PDXDC1: variants seen among roughly 807,000 people sequenced by gnomAD.
The protein encoded by PDXDC1 is pyridoxal-dependent decarboxylase domain-containing protein 1.
Under a neutral mutation model 100.1 loss-of-function variants are expected in PDXDC1, and 42 were observed. The ratio of observed to expected loss-of-function variants is 0.42; its 90% CI spans 0.33 to 0.54. The LOEUF is 0.54. Among genes scored for constraint, PDXDC1 ranks in the 20% least tolerant of loss-of-function variants. The probability of loss-of-function intolerance (pLI) is 0.10; values close to 1 mark genes in which losing one functional copy is unlikely to be tolerated. For synonymous variants in PDXDC1, 260 were observed against 371.7 expected (o/e 0.70, Z 3.46); for missense variants, 636 against 979.2 (o/e 0.65, Z 4.68).
intron 16 of PDXDC1, among the ~76,000 whole-genome samples, chr16:15,095,862 GTGTGTGT>G (rs1250685977): frequency 2.8e-4 from 3 of 10,754 alleles, no homozygotes; most frequent in Non-Finnish European, 1.3e-3. Context: ...AAAAAAAAAG[GTGTGTGT>G]GTGTGTGTGT....
At chr16:15,092,523 G>A (rs2046175129) in intron 16 of PDXDC1, 1 of 1,611,216 alleles carries the variant, frequency 6.2e-7, no homozygotes, top group Non-Finnish European at 8.5e-7. Context: ...TTGTACTTCA[G>A]CAAGACTTCT....
chr16:15,134,210 TG>T, intron 16 of PDXDC1: 1 of 1,186,642 alleles, frequency 8.4e-7, no homozygotes, highest in Non-Finnish European at 1.2e-6. Context: ...ACCCCTCGCT[TG>T]GAGCCGCTGC....
intron 16 of PDXDC1, chr16:15,127,786 A>T (rs927715109): frequency 2.6e-6 from 4 of 1,556,144 alleles, no homozygotes; most frequent in Non-Finnish European, 3.5e-6. Context: ...GATGCGAGTG[A>T]AACAGCTACG....
intron 16 of PDXDC1, among the ~76,000 whole-genome samples, chr16:15,102,137 A>G (rs1339959358): frequency 2.6e-5 from 4 of 151,792 alleles, no homozygotes; most frequent in Admixed American, 6.6e-5. Context: ...TGAGCCACTG[A>G]GCCTGGCCTG....
chr16:15,021,655 C>G (rs1024617725), intron 12 of PDXDC1, among the ~76,000 whole-genome samples: 2 of 152,284 alleles, frequency 1.3e-5, no homozygotes, highest in African/African-American at 4.8e-5. Flanking sequence ...GAACCGTATA[C>G]TCCTGAGGAT....
intron 16 of PDXDC1, chr16:15,127,759 C>T: frequency 4.5e-6 from 7 of 1,549,076 alleles, no homozygotes; most frequent in Non-Finnish European, 6.1e-6. Context: ...GAGGAGAACG[C>T]AGCAGGTGGC....
chr16:15,070,360 T>C lies in PDXDC1; in HGVS notation c.1399+40304T>C, dbSNP rs536077739. 3.5e-4 allele frequency: 266 copies of C among 763,546 alleles called. 2 individuals are homozygous for C. In the African/African-American group the frequency reaches 4.3e-3, roughly 12 times the overall value. The allele number at this position is 763,546 out of a possible 1,614,324, so 47.3% of individuals were successfully genotyped here. On this transcript the variant is annotated intron_variant, in intron 16 of 16. Coordinates refer to the PDXDC1 transcript ENST00000535621. ...TTACAAACCATGCTAAGTAAGTTCATAGGTTTCTTTAAATAATACCCATGG... is the reference window on the plus strand; with the variant it reads ...TTACAAACCATGCTAAGTAAGTTCACAGGTTTCTTTAAATAATACCCATGG...
intron 16 of PDXDC1, chr16:15,091,365 T>C (rs2046123909): frequency 6.3e-7 from 1 of 1,589,412 alleles, no homozygotes; most frequent in Non-Finnish European, 8.6e-7. Context: ...AAGTCATTTG[T>C]TTCACCCTTA....
intron 13 of PDXDC1, chr16:15,025,693 A>C (rs1303523647): frequency 2.0e-5 from 3 of 152,390 alleles, no homozygotes; most frequent in Non-Finnish European, 4.4e-5. Flanking sequence ...TTGGAACATA[A>C]GTTTTATTAC....
chr16:15,099,700 C>G (rs559443897), intron 16 of PDXDC1, among the ~76,000 whole-genome samples: 54 of 152,220 alleles, frequency 3.5e-4, no homozygotes, highest in African/African-American at 1.2e-3. Flanking sequence ...ATGCTATCTG[C>G]AAAGTCACCA....
Position 15,038,155 on chromosome 16 carries a change from G to T in PDXDC1, c.*1880G>T. 6.2e-7 allele frequency: 1 copy of T among 1,613,094 alleles called. No homozygotes were observed. The highest frequency in any genetic ancestry group is 8.5e-7 in the Non-Finnish European group (1 of 1,179,232). ...GTGTTTTTTTAAAAACATCAAGGTA[G>T]ATCTAATATGTTCAACAAAGTGGGG... On this transcript the variant is annotated 3_prime_UTR_variant, in exon 23 of 23. Transcript: ENST00000396410.
downstream of PDXDC1, among the ~76,000 whole-genome samples, chr16:15,139,639 G>A (rs930636771): frequency 6.6e-6 from 1 of 151,642 alleles, no homozygotes; most frequent in Non-Finnish European, 1.5e-5. Flanking sequence ...GAATCAGCCA[G>A]GCATGGTGGT....
At chr16:15,149,817 G>A in the PDXDC1 span, among the ~76,000 whole-genome samples, 2 of 151,560 alleles carry the variant, frequency 1.3e-5, no homozygotes, top group African/African-American at 2.4e-5. Flanking sequence ...AGGGGGCCCT[G>A]AGCTGATGAC....
At chr16:15,059,777 G>C (rs1474722285) in intron 16 of PDXDC1, among the ~76,000 whole-genome samples, 1 of 152,120 alleles carries the variant, frequency 6.6e-6, no homozygotes, top group Non-Finnish European at 1.5e-5. Flanking sequence ...CTTTTTGAAA[G>C]AAGTGTCTGC....
At chr16:15,094,062 C>T (rs1567233020) in intron 16 of PDXDC1, 2 of 1,260,372 alleles carry the variant, frequency 1.6e-6, no homozygotes, top group East Asian at 2.5e-5. Flanking sequence ...TGAGCTTTGT[C>T]CCACATCCTT....
intron 16 of PDXDC1, chr16:15,125,328 G>T: frequency 1.4e-6 from 1 of 717,380 alleles, no homozygotes; most frequent in Non-Finnish European, 2.4e-6. Context: ...ACACCAGACT[G>T]CAGGTGGCGC....
intron 16 of PDXDC1, chr16:15,086,597 A>G: frequency 2.4e-6 from 3 of 1,232,402 alleles, no homozygotes; most frequent in Non-Finnish European, 3.4e-6. Context: ...ACTGGGTATT[A>G]AAACAGAAAA....
At chr16:15,039,058 ATTAT>A (rs142235290), downstream of PDXDC1, among the ~76,000 whole-genome samples, 36 of 152,294 alleles carry the variant, frequency 2.4e-4, no homozygotes, top group Non-Finnish European at 3.8e-4. Flanking sequence ...CCATTGCCTC[ATTAT>A]TTATACCCCA....
At chr16:15,043,593 G>A (rs62039480) in intron 16 of PDXDC1, among the ~76,000 whole-genome samples, 53,923 of 152,064 alleles carry the variant, frequency 0.35, 9,822 homozygotes, top group Admixed American at 0.47. Flanking sequence ...GAGTAAGCTT[G>A]CTTCATGGCC....
Sources: allele counts gnomAD v4.1 joint callset (sites outside exome capture counted in the v4.1 genomes callset), GRCh38; gene constraint gnomAD v4.1.1; transcripts MANE v1.5; gene names NCBI Gene and HGNC (gene_info 2026-07-23, HGNC 2026-07-21).